Variants in PTPRD observed in about 807,000 individuals in gnomAD.
PTPRD encodes receptor-type tyrosine-protein phosphatase delta.
PTPRD carries 34 observed loss-of-function variants against 214.5 expected under a neutral mutation model. The ratio of observed to expected loss-of-function variants is 0.16; its 90% CI spans 0.12 to 0.21. The LOEUF (loss-of-function observed/expected upper bound fraction) is 0.21, where lower values mean the gene tolerates loss of function less well. Ranked by LOEUF, PTPRD falls within the 10% of genes least tolerant of loss-of-function variation. PTPRD has a pLI of 1.00. For synonymous variants in PTPRD, 1,128 were observed against 845.7 expected, an observed-to-expected ratio of 1.33 and a Z score of -5.79; for missense variants, 2,545 against 2,398.7, an observed-to-expected ratio of 1.06 and a Z score of -1.27.
At chr9:8,439,935 A>ATTTTTT (rs1166530719) in intron 34 of PTPRD, among the ~76,000 whole-genome samples, 1,056 of 73,236 alleles carry the variant, frequency 0.014, 105 homozygotes, top group East Asian at 0.035. Context: ...ATGTGCTTTA[A>ATTTTTT]TTTTTTTTTT....
chr9:9,478,964 T>C (rs949978724), intron 8 of PTPRD, among the ~76,000 whole-genome samples: 2 of 152,200 alleles, frequency 1.3e-5, no homozygotes, highest in African/African-American at 4.8e-5. Context: ...GCCTAAAATA[T>C]GAATAATTAC....
chr9:9,115,125 T>C (rs1404472082), intron 10 of PTPRD, among the ~76,000 whole-genome samples: 1 of 152,134 alleles, frequency 6.6e-6, no homozygotes, highest in Admixed American at 6.6e-5. Context: ...AATTTTTTAC[T>C]TTGGTAAAGG....
At chr9:10,182,259 C>CAAAAAAAAAAAAAAAAAAAAAAAAAA (rs3075574) in intron 3 of PTPRD, among the ~76,000 whole-genome samples, 14 of 54,446 alleles carry the variant, frequency 2.6e-4, no homozygotes, top group African/African-American at 5.6e-4. Context: ...GACTCTGCCT[C>CAAAAAAAAAAAAAAAAAAAAAAAAAA]AAAAAAAAAA....
chr9:10,047,924 T>C (rs997492942), intron 3 of PTPRD, among the ~76,000 whole-genome samples: 6 of 152,148 alleles, frequency 3.9e-5, no homozygotes, highest in African/African-American at 4.8e-5. Context: ...CCTTACTCTA[T>C]TTCTTTTCCT....
intron 3 of PTPRD, among the ~76,000 whole-genome samples, chr9:10,134,320 A>G (rs1429735740): frequency 6.6e-6 from 1 of 152,184 alleles, no homozygotes; most frequent in Non-Finnish European, 1.5e-5. Context: ...TTAAGGAAAT[A>G]TGGGTGTGGC....
chr9:10,142,825 C>T (rs369781263), intron 3 of PTPRD, among the ~76,000 whole-genome samples: 6,785 of 143,790 alleles, frequency 0.047, 438 homozygotes, highest in East Asian at 0.16. Context: ...CACATGCACA[C>T]GTATGTTTAT....
intron 2 of PTPRD, among the ~76,000 whole-genome samples, chr9:10,382,084 T>G (rs1044237034): frequency 1.3e-5 from 2 of 151,910 alleles, no homozygotes; most frequent in Non-Finnish European, 2.9e-5. Context: ...CAATTCACTG[T>G]CATTGCTATT....
rs762133653 is a variant in PTPRD, at chr9:8,340,414, A to G, written c.5182T>C (p.Phe1728Leu). 6.2e-7 allele frequency: 1 copy of G among 1,610,336 alleles called. No individual in the cohort carries two copies. The highest frequency in any genetic ancestry group is 1.1e-5 in the South Asian group (1 of 90,682). The change falls in exon 42 of 46, where the codon TTC (phenylalanine) becomes CTC (leucine). Residue 1728 changes from phenylalanine to leucine, a missense_variant. By Grantham distance (22) the Phe-to-Leu change is conservative. Transcript: ENST00000381196. ...TTGTGTTCCCAGAGCATCCGCCAGA[A>G]GTCTTCAGTGGTCTCTGCCAAGGGC... Reference protein sequence around the residue: ...QGPLAETTEDFWRMLWEHNST... With the variant: ...QGPLAETTEDLWRMLWEHNST...
intron 3 of PTPRD, among the ~76,000 whole-genome samples, chr9:10,189,092 G>A (rs892138499): frequency 6.6e-6 from 1 of 151,892 alleles, no homozygotes; most frequent in Non-Finnish European, 1.5e-5. Flanking sequence ...CACATCTGAT[G>A]TCCATTGTGA....
intron 8 of PTPRD, among the ~76,000 whole-genome samples, chr9:9,549,138 A>G (rs1422732948): frequency 6.6e-6 from 1 of 152,106 alleles, no homozygotes; most frequent in Non-Finnish European, 1.5e-5. Flanking sequence ...ACAAACTTAT[A>G]AAAGAAAAAA....
chr9:10,395,370 C>T lies in PTPRD; in HGVS notation c.-599-54353G>A, dbSNP rs1212860235. On this transcript the variant is annotated intron_variant, in intron 2 of 45. Coordinates refer to ENST00000381196, the MANE Select transcript of PTPRD (RefSeq NM_002839.4). Reference sequence around the variant, plus strand: ...TGCGGTGTTTGGTTTTTTCTCATTGCGATAGTTTGCTGAGAATGATGGTTT... The same window carrying T: ...TGCGGTGTTTGGTTTTTTCTCATTGTGATAGTTTGCTGAGAATGATGGTTT... Among the ~76,000 whole-genome samples, 7 of 150,912 alleles carry T rather than the reference C, an allele frequency of 4.6e-5. No homozygotes were observed. In the East Asian group the frequency reaches 7.9e-4, roughly 17 times the overall value.
intron 25 of PTPRD, 37 bp downstream of exon 25, chr9:8,499,610 T>C (rs761743935): frequency 6.4e-7 from 1 of 1,572,610 alleles, no homozygotes; most frequent in Non-Finnish European, 8.6e-7. Flanking sequence ...ATAAACTTAT[T>C]ATATAAAAAC....
At chr9:9,699,234 C>T (rs2097442838) in intron 7 of PTPRD, among the ~76,000 whole-genome samples, 1 of 150,656 alleles carries the variant, frequency 6.6e-6, no homozygotes, top group African/African-American at 2.4e-5. Flanking sequence ...CTTCTACATG[C>T]ATACCTTATA....
intron 10 of PTPRD, among the ~76,000 whole-genome samples, chr9:9,145,125 T>C (rs2099866501): frequency 6.6e-6 from 1 of 152,222 alleles, no homozygotes; most frequent in Non-Finnish European, 1.5e-5. Context: ...GCTTATATAC[T>C]GTTTTTCCTT....
At chr9:9,361,706 A>T (rs1167315640) in intron 9 of PTPRD, among the ~76,000 whole-genome samples, 2 of 151,126 alleles carry the variant, frequency 1.3e-5, no homozygotes, top group African/African-American at 4.8e-5. Flanking sequence ...TATAAACTAC[A>T]GTCACTCTAG....
chr9:9,611,644 C>A (rs1455863330), intron 7 of PTPRD, among the ~76,000 whole-genome samples: 1 of 152,012 alleles, frequency 6.6e-6, no homozygotes, highest in African/African-American at 2.4e-5. Context: ...TCAGAACACA[C>A]ACACACACCC....
chr9:10,277,640 A>G (rs1420311171), intron 3 of PTPRD, among the ~76,000 whole-genome samples: 2 of 152,214 alleles, frequency 1.3e-5, no homozygotes, highest in African/African-American at 2.4e-5. Context: ...TGATTCTTGT[A>G]TAACTACTGC....
chr9:10,240,340 C>G (rs574915496), intron 3 of PTPRD, among the ~76,000 whole-genome samples: 47 of 151,902 alleles, frequency 3.1e-4, no homozygotes, highest in Non-Finnish European at 5.4e-4. Flanking sequence ...GGGGTTTCAG[C>G]CATGACCCTT....
At chr9:9,505,946 C>A (rs1352994030) in intron 8 of PTPRD, among the ~76,000 whole-genome samples, 1 of 151,148 alleles carries the variant, frequency 6.6e-6, no homozygotes, top group Admixed American at 6.6e-5. Context: ...TCTCTCATCC[C>A]TAAGTAGGCA....
Sources: allele counts gnomAD v4.1 joint callset (sites outside exome capture counted in the v4.1 genomes callset), GRCh38; gene constraint gnomAD v4.1.1; transcripts MANE v1.5; gene names NCBI Gene and HGNC (gene_info 2026-07-23, HGNC 2026-07-21).